The following SH3GL2 variants were observed in gnomAD, a reference collection of about 807,000 sequenced individuals.
SH3GL2 encodes endophilin-A1.
In SH3GL2, 24 loss-of-function variants were observed where a neutral mutation model predicts 46.0. The observed-to-expected ratio is 0.52, with a 90% CI of 0.38 to 0.73. The LOEUF is 0.73. SH3GL2 is among the 30% of genes least tolerant of loss of function. The pLI is 0.00. For synonymous variants in SH3GL2, 196 were observed against 147.1 expected (o/e 1.33, Z -2.40); for missense variants, 413 against 424.2 (o/e 0.97, Z 0.23).
chr9:17,656,553 T>C (rs1209216299), intron 1 of SH3GL2, among the ~76,000 whole-genome samples: 2 of 152,074 alleles, frequency 1.3e-5, no homozygotes, highest in Non-Finnish European at 2.9e-5. Flanking sequence ...TTAAAGTATA[T>C]GCCTGTGATT....
intron 1 of SH3GL2, among the ~76,000 whole-genome samples, chr9:17,679,232 A>G (rs1270097964): frequency 5.3e-5 from 8 of 152,202 alleles, no homozygotes; most frequent in Non-Finnish European, 8.8e-5. Flanking sequence ...CAGTATGGCT[A>G]TTTTCATGAT....
chr9:17,590,844 C>T (rs1265883897), intron 1 of SH3GL2: 1 of 152,176 alleles, frequency 6.6e-6, no homozygotes, highest in Non-Finnish European at 1.5e-5. Flanking sequence ...TCACTGCAAC[C>T]TCCTCCTCCC....
chr9:17,643,845 A>G (rs1000533434), intron 1 of SH3GL2, among the ~76,000 whole-genome samples: 3 of 152,208 alleles, frequency 2.0e-5, no homozygotes, highest in Non-Finnish European at 4.4e-5. Flanking sequence ...TGCTGGCCTC[A>G]TAAAATGAGT....
At chr9:17,786,994 C>G (rs1454273653) in intron 4 of SH3GL2, among the ~76,000 whole-genome samples, 2 of 152,156 alleles carry the variant, frequency 1.3e-5, no homozygotes, top group Non-Finnish European at 2.9e-5. Flanking sequence ...CTACCACACC[C>G]AACATCTTCT....
At chr9:17,667,117 TG>T (rs1404256103) in intron 1 of SH3GL2, among the ~76,000 whole-genome samples, 2 of 152,190 alleles carry the variant, frequency 1.3e-5, no homozygotes, top group Non-Finnish European at 2.9e-5. Context: ...TAAACATATT[TG>T]GTATATATTT....
intron 1 of SH3GL2, among the ~76,000 whole-genome samples, chr9:17,691,742 T>C (rs1027469727): frequency 1.1e-4 from 16 of 152,166 alleles, no homozygotes; most frequent in African/African-American, 2.9e-4. Context: ...TACTATTCAC[T>C]AACAATATAG....
chr9:17,640,375 A>G (rs549546368), intron 1 of SH3GL2, among the ~76,000 whole-genome samples: 3 of 152,210 alleles, frequency 2.0e-5, no homozygotes, highest in South Asian at 2.1e-4. Flanking sequence ...TTTAAACCAT[A>G]TTAATCCAAT....
rs142532371 is a variant in SH3GL2, at chr9:17,597,662, A to G, written c.45+18375A>G. ...AAGGGTTTTGCAAGATGCTTCTTTC[A>G]TAATTGGACACAACTTGTAGAAAGT... On this transcript the variant is annotated intron_variant, in intron 1 of 8. Transcript: ENST00000380607. Among the ~76,000 whole-genome samples, 617 of 152,296 alleles carry G rather than the reference A, an allele frequency of 4.1e-3. 3 individuals are homozygous for G. The highest frequency in any genetic ancestry group is 0.014 in the African/African-American group (581 of 41,566).
chr9:17,764,539 A>C (rs1442403499), intron 3 of SH3GL2, among the ~76,000 whole-genome samples: 2 of 152,262 alleles, frequency 1.3e-5, no homozygotes, highest in Non-Finnish European at 2.9e-5. Context: ...GGTTCTGAAT[A>C]AGCAAGATAT....
At chr9:17,768,514 A>G (rs1012277619) in intron 3 of SH3GL2, among the ~76,000 whole-genome samples, 3 of 152,272 alleles carry the variant, frequency 2.0e-5, no homozygotes, top group Non-Finnish European at 4.4e-5. Context: ...TAAATACCAT[A>G]CCTAAATCCT....
At chr9:17,600,992 C>G (rs558152158) in intron 1 of SH3GL2, among the ~76,000 whole-genome samples, 1 of 152,298 alleles carries the variant, frequency 6.6e-6, no homozygotes, top group Non-Finnish European at 1.5e-5. Context: ...TATCCATTAG[C>G]TCAGTGACAA....
At chr9:17,743,601 C>CACACACA (rs1554645790) in intron 1 of SH3GL2, among the ~76,000 whole-genome samples, 4 of 145,726 alleles carry the variant, frequency 2.7e-5, no homozygotes, top group Non-Finnish European at 4.5e-5. Flanking sequence ...CACACACACA[C>CACACACA]CCCAAATAGT....
chr9:17,619,186 A>G (rs1398837032), intron 1 of SH3GL2, among the ~76,000 whole-genome samples: 1 of 152,224 alleles, frequency 6.6e-6, no homozygotes, highest in Non-Finnish European at 1.5e-5. Context: ...TTGATGGCAG[A>G]GCTGGGCTTT....
At chr9:17,681,349 T>G (rs914655156) in intron 1 of SH3GL2, among the ~76,000 whole-genome samples, 1 of 152,160 alleles carries the variant, frequency 6.6e-6, no homozygotes, top group Admixed American at 6.5e-5. Context: ...TTTGTTCTCT[T>G]TTTCTTTGTT....
At chr9:17,721,307 T>C (rs1023452686) in intron 1 of SH3GL2, among the ~76,000 whole-genome samples, 2 of 152,124 alleles carry the variant, frequency 1.3e-5, no homozygotes, top group African/African-American at 4.8e-5. Flanking sequence ...ATGTATTTAT[T>C]GGGAAAAGTA....
intron 1 of SH3GL2, among the ~76,000 whole-genome samples, chr9:17,703,470 A>G (rs770401779): frequency 1.3e-5 from 2 of 151,970 alleles, no homozygotes; most frequent in Non-Finnish European, 2.9e-5. Flanking sequence ...TCATCCTGAT[A>G]CCAAAACCTG....
chr9:17,746,020 G>A (rs1374960159), intron 1 of SH3GL2, among the ~76,000 whole-genome samples: 2 of 152,148 alleles, frequency 1.3e-5, no homozygotes, highest in African/African-American at 4.8e-5. Flanking sequence ...TATCTTTTGT[G>A]TGATCCGTTT....
At chr9:17,707,661 C>G (rs1821506388) in intron 1 of SH3GL2, among the ~76,000 whole-genome samples, 1 of 152,000 alleles carries the variant, frequency 6.6e-6, no homozygotes. Flanking sequence ...AAAACTCTTC[C>G]TTTTCTGGAT....
chr9:17,718,486 G>A (rs1197991238), intron 1 of SH3GL2, among the ~76,000 whole-genome samples: 2 of 152,102 alleles, frequency 1.3e-5, no homozygotes, highest in Admixed American at 6.6e-5. Flanking sequence ...ACTTTGGGAC[G>A]CCAAGGCGGG....
Sources: allele counts gnomAD v4.1 joint callset (sites outside exome capture counted in the v4.1 genomes callset), GRCh38; gene constraint gnomAD v4.1.1; transcripts MANE v1.5; gene names NCBI Gene and HGNC (gene_info 2026-07-23, HGNC 2026-07-21).